Variants in RCAN1 observed in about 807,000 individuals in gnomAD.
The protein encoded by RCAN1 is calcipressin-1.
A neutral mutation model predicts 22.9 loss-of-function variants in RCAN1; 11 were observed. That is an observed-to-expected ratio of 0.48 (90% CI 0.30 to 0.79). RCAN1 has a LOEUF of 0.79. Among genes scored for constraint, RCAN1 ranks in the 30% least tolerant of loss-of-function variants. The pLI is 0.06. For missense variants in RCAN1, 291 were observed against 337.8 expected (o/e 0.86, Z 1.09); for synonymous variants, 136 against 142.3 (o/e 0.96, Z 0.32).
At chr21:34,565,124 G>C (rs377306837) in intron 1 of RCAN1, among the ~76,000 whole-genome samples, 5 of 152,292 alleles carry the variant, frequency 3.3e-5, no homozygotes, top group East Asian at 1.9e-4. Context: ...TTGAGCCCAG[G>C]AAGTCAAAGT....
At chr21:34,598,712 A>G (rs1297966308) in intron 1 of RCAN1, among the ~76,000 whole-genome samples, 2 of 152,254 alleles carry the variant, frequency 1.3e-5, no homozygotes, top group Non-Finnish European at 2.9e-5. Flanking sequence ...TAAAAACACC[A>G]TAAAATCAAA....
chr21:34,612,552 C>T (rs1303299586), intron 1 of RCAN1, among the ~76,000 whole-genome samples: 3 of 152,250 alleles, frequency 2.0e-5, no homozygotes. Context: ...GAGCCATTAT[C>T]TACCCTTCTG....
chr21:34,598,672 C>G (rs923933460), intron 1 of RCAN1, among the ~76,000 whole-genome samples: 7 of 152,066 alleles, frequency 4.6e-5, no homozygotes, highest in African/African-American at 1.7e-4. Context: ...ATCTGAACTA[C>G]AAATAAAAAT....
chr21:34,541,183 G>A (rs1461082213), intron 1 of RCAN1, among the ~76,000 whole-genome samples: 3 of 152,148 alleles, frequency 2.0e-5, no homozygotes, highest in Non-Finnish European at 4.4e-5. Flanking sequence ...TCAGAGCTCA[G>A]GATACTAGAA....
At chr21:34,567,565 A>G (rs1157557525) in intron 1 of RCAN1, among the ~76,000 whole-genome samples, 2 of 152,052 alleles carry the variant, frequency 1.3e-5, no homozygotes, top group Admixed American at 6.6e-5. Context: ...AAAAAAAAAA[A>G]AAAAAGAAAG....
At chr21:34,576,589 C>T (rs1016692761) in intron 1 of RCAN1, among the ~76,000 whole-genome samples, 35 of 152,150 alleles carry the variant, frequency 2.3e-4, no homozygotes, top group African/African-American at 8.2e-4. Context: ...AATCAGCCAG[C>T]AAGTAGTCTT....
At chr21:34,595,237 G>C (rs974684944) in intron 1 of RCAN1, among the ~76,000 whole-genome samples, 5 of 150,480 alleles carry the variant, frequency 3.3e-5, no homozygotes, top group Non-Finnish European at 5.9e-5. Flanking sequence ...CTGGCACAGA[G>C]TGGGTGTGGC....
At chr21:34,581,465 T>C (rs967428310) in intron 1 of RCAN1, among the ~76,000 whole-genome samples, 17 of 152,176 alleles carry the variant, frequency 1.1e-4, no homozygotes, top group African/African-American at 4.1e-4. Flanking sequence ...GTATTATTCA[T>C]GCCCCTCTGC....
chr21:34,529,051 T>G (rs1601140356), intron 1 of RCAN1, among the ~76,000 whole-genome samples: 1 of 152,342 alleles, frequency 6.6e-6, no homozygotes, highest in East Asian at 1.9e-4. Context: ...CAAAAACATG[T>G]AATTCTATAT....
chr21:34,525,413 A>G, intron 1 of RCAN1: 1 of 1,425,314 alleles, frequency 7.0e-7, no homozygotes, highest in Non-Finnish European at 9.2e-7. Flanking sequence ...GGTAGAGTTC[A>G]TCTGGCCGCC....
chr21:34,607,406 T>C (rs1011862401), intron 1 of RCAN1, among the ~76,000 whole-genome samples: 2 of 152,192 alleles, frequency 1.3e-5, no homozygotes, highest in African/African-American at 4.8e-5. Context: ...CTTTTTTTTT[T>C]TGAGACAGAG....
intron 1 of RCAN1, among the ~76,000 whole-genome samples, chr21:34,597,663 T>C (rs757191149): frequency 2.0e-5 from 3 of 152,244 alleles, no homozygotes; most frequent in Non-Finnish European, 4.4e-5. Context: ...GACTAGCGTG[T>C]TTCCATAAGA....
At chr21:34,526,809 C>T (rs1269972121) in intron 1 of RCAN1, 17 of 1,563,688 alleles carry the variant, frequency 1.1e-5, no homozygotes, top group African/African-American at 1.4e-5. Flanking sequence ...AGTGAGATTC[C>T]TTTCCAAGAG....
chr21:34,576,725 C>T (rs990688927), intron 1 of RCAN1, among the ~76,000 whole-genome samples: 3 of 152,282 alleles, frequency 2.0e-5, no homozygotes, highest in East Asian at 1.9e-4. Context: ...ACTCTAATCA[C>T]CGCTCAGCAA....
chr21:34,566,089 A>G (rs1483082065), intron 1 of RCAN1, among the ~76,000 whole-genome samples: 1 of 152,206 alleles, frequency 6.6e-6, no homozygotes, highest in East Asian at 1.9e-4. Flanking sequence ...GCACTATTTC[A>G]GAGCTGCATA....
At chr21:34,566,007 C>T (rs1236247740) in intron 1 of RCAN1, among the ~76,000 whole-genome samples, 1 of 152,170 alleles carries the variant, frequency 6.6e-6, no homozygotes, top group African/African-American at 2.4e-5. Context: ...CCTGCTGAAC[C>T]TGCTACGTCT....
At chr21:34,538,370 G>A (rs548213240) in intron 1 of RCAN1, among the ~76,000 whole-genome samples, 1 of 152,208 alleles carries the variant, frequency 6.6e-6, no homozygotes, top group Non-Finnish European at 1.5e-5. Context: ...CTCCCTGTTG[G>A]TCCAAGCCAC....
intron 1 of RCAN1, among the ~76,000 whole-genome samples, chr21:34,590,221 C>T (rs558991561): frequency 2.0e-5 from 3 of 152,218 alleles, no homozygotes; most frequent in Non-Finnish European, 4.4e-5. Flanking sequence ...CAGCACCTCC[C>T]ATTATTGTTT....
intron 1 of RCAN1, among the ~76,000 whole-genome samples, chr21:34,594,188 G>T (rs1988069858): frequency 6.6e-6 from 1 of 152,132 alleles, no homozygotes; most frequent in South Asian, 2.1e-4. Flanking sequence ...AACAGAACCA[G>T]TAAACAAGCA....
Sources: gnomAD v4.1 joint callset for allele counts (sites outside exome capture counted in the v4.1 genomes callset) on GRCh38, gnomAD v4.1.1 for gene constraint, MANE v1.5 for transcripts, NCBI Gene and HGNC (gene_info 2026-07-23, HGNC 2026-07-21) for gene names.